Variants in MSMO1 observed in about 807,000 individuals in gnomAD.
MSMO1 encodes methylsterol monooxygenase 1.
In MSMO1, 18 loss-of-function variants were observed where a neutral mutation model predicts 30.4. The ratio of observed to expected loss-of-function variants is 0.59; its 90% CI spans 0.41 to 0.88. The LOEUF is 0.88. MSMO1 is among the 40% of genes least tolerant of loss of function. MSMO1 has a pLI of 0.00. For missense variants in MSMO1, 284 were observed against 340.5 expected (o/e 0.83, Z 1.31); for synonymous variants, 84 against 107.9 (o/e 0.78, Z 1.37).
intron 1 of MSMO1, among the ~76,000 whole-genome samples, chr4:165,328,632 A>G (rs1477008554): frequency 6.6e-6 from 1 of 152,108 alleles, no homozygotes; most frequent in Non-Finnish European, 1.5e-5. Flanking sequence ...AAATTTATCT[A>G]GTCAACCTGT....
chr4:165,329,438 CAG>C (rs915678369), intron 1 of MSMO1, among the ~76,000 whole-genome samples: 2 of 151,764 alleles, frequency 1.3e-5, no homozygotes, highest in Admixed American at 6.6e-5. Context: ...TTTATGAACT[CAG>C]GGGTAAGGGC....
chr4:165,340,261 A>G lies in MSMO1; in HGVS notation c.572A>G (p.Glu191Gly). The G allele has an allele frequency of 6.2e-7, 1 of 1,613,944 alleles. No individual in the cohort carries two copies. Among genetic ancestry groups the G allele is most frequent in the Non-Finnish European group, 8.5e-7 (1 of 1,179,952 alleles). The change falls in exon 5 of 6, where the codon GAG becomes GGG. Residue 191 changes from glutamate to glycine, a missense_variant. Coordinates refer to ENST00000261507, the MANE Select transcript of MSMO1 (RefSeq NM_006745.5). ...GAAGCTGAATATGCACATCCTTTGG[A>G]GACTCTAATTCTTGGAACTGGATTT... ...GMEAEYAHPL[E>G]TLILGTGFFI...
chr4:165,340,011 T>C (rs1195876121), intron 4 of MSMO1, among the ~76,000 whole-genome samples: 3 of 152,210 alleles, frequency 2.0e-5, no homozygotes, highest in African/African-American at 7.2e-5. Flanking sequence ...CTTCAAATGA[T>C]TGGATGAAGC....
At chr4:165,329,522 C>T (rs547711403) in intron 1 of MSMO1, among the ~76,000 whole-genome samples, 6 of 139,502 alleles carry the variant, frequency 4.3e-5, no homozygotes, top group East Asian at 2.1e-4. Context: ...CAAGGAAAGG[C>T]GGTATTTCAA....
At chr4:165,338,799 ATTCT>A in intron 4 of MSMO1, 21 bp downstream of exon 4, 1 of 1,563,816 alleles carries the variant, frequency 6.4e-7, no homozygotes, top group Non-Finnish European at 8.8e-7. Context: ...GTTATATTTA[ATTCT>A]TTCTGTTAGA....
intron 2 of MSMO1, 132 bp downstream of exon 2, chr4:165,333,757 A>T: frequency 1.9e-6 from 2 of 1,029,580 alleles, no homozygotes; most frequent in Non-Finnish European, 2.7e-6. Context: ...ATGTAATTTT[A>T]AATTTTCTAG....
At chr4:165,332,903 A>G (rs574787006) in intron 1 of MSMO1, among the ~76,000 whole-genome samples, 32 of 152,190 alleles carry the variant, frequency 2.1e-4, no homozygotes, top group African/African-American at 6.7e-4. Flanking sequence ...TTGTCTTTCT[A>G]TTCCCCAGTA....
In MSMO1 at chr4:165,342,607, T is replaced by G; in HGVS notation, c.*661T>G. On this transcript the variant is annotated 3_prime_UTR_variant, in exon 6 of 6. Coordinates refer to ENST00000261507, the MANE Select transcript of MSMO1 (RefSeq NM_006745.5). ...TCTGACCTCAAGTGATCTGCCCACC[T>G]TGGCCTCCCAAAGTGCTGGGATTAC... 6.6e-6 allele frequency: 1 copy of G among 152,328 alleles called. No homozygotes were observed. The allele number at this position is 152,328 out of a possible 1,614,324, so 9.4% of individuals were successfully genotyped here.
chr4:165,331,857 A>G (rs866778345), intron 1 of MSMO1, among the ~76,000 whole-genome samples: 2 of 152,186 alleles, frequency 1.3e-5, no homozygotes, highest in Non-Finnish European at 1.5e-5. Flanking sequence ...GCTCATTTAA[A>G]AAGTTTAAAT....
chr4:165,332,665 C>T (rs1429458518), intron 1 of MSMO1, among the ~76,000 whole-genome samples: 1 of 152,202 alleles, frequency 6.6e-6, no homozygotes, highest in East Asian at 1.9e-4. Context: ...AGATTTGCTA[C>T]TCAGGCTAAA....
chr4:165,336,577 C>T (rs1043524309), intron 2 of MSMO1, among the ~76,000 whole-genome samples: 66 of 152,296 alleles, frequency 4.3e-4, no homozygotes, highest in African/African-American at 1.5e-3. Context: ...GGAGACAGTA[C>T]TATTGCCAAC....
Position 165,329,762 on chromosome 4 carries a change from G to A in MSMO1, c.-32+1998G>A, listed in dbSNP as rs143927901. On this transcript the variant is annotated intron_variant, in intron 1 of 5. Transcript: ENST00000261507. ...CAATTCTCCTGCCTCAGCCTCCCCA[G>A]TAGGTGGAATTACAGGCATACGCCA... Among the ~76,000 whole-genome samples, 344 of 149,804 alleles carry A rather than the reference G, an allele frequency of 2.3e-3. 5 individuals are homozygous for A. Among genetic ancestry groups the A allele is most frequent in the African/African-American group, 7.9e-3 (321 of 40,620 alleles).
chr4:165,335,551 T>C (rs939369490), intron 2 of MSMO1, among the ~76,000 whole-genome samples: 1 of 152,194 alleles, frequency 6.6e-6, no homozygotes, highest in Non-Finnish European at 1.5e-5. Flanking sequence ...GTGATTTATT[T>C]ATAGGGCTTA....
chr4:165,341,003 A>T (rs1217408309), intron 5 of MSMO1, among the ~76,000 whole-genome samples: 2 of 152,058 alleles, frequency 1.3e-5, no homozygotes, highest in Non-Finnish European at 2.9e-5. Context: ...GGCAGAGAAT[A>T]TTCTTCTGTA....
At chr4:165,337,314 A>C (rs1747581570) in intron 2 of MSMO1, among the ~76,000 whole-genome samples, 1 of 152,176 alleles carries the variant, frequency 6.6e-6, no homozygotes, top group African/African-American at 2.4e-5. Context: ...AGAGTTTATA[A>C]TTCTGTCATT....
Position 165,342,024 on chromosome 4 carries a change from G to T in MSMO1, c.*78G>T. 1 of 1,165,768 alleles carries T rather than the reference G, an allele frequency of 8.6e-7. No individual in the cohort carries two copies. The highest frequency in any genetic ancestry group is 1.3e-6 in the Non-Finnish European group (1 of 790,364). 72.2% of individuals were successfully genotyped at this position (1,165,768 alleles called of 1,614,324 possible). On this transcript the variant is annotated 3_prime_UTR_variant, in exon 6 of 6. Transcript: ENST00000261507. ...TAGTAGCTAACATTGCTTCTGGAGA[G>T]CAGAAATAAGCATGTCTTCTGGCTA...
intron 4 of MSMO1, among the ~76,000 whole-genome samples, chr4:165,339,422 G>A (rs765774974): frequency 6.6e-6 from 1 of 152,066 alleles, no homozygotes; most frequent in Non-Finnish European, 1.5e-5. Flanking sequence ...TTGCTTTGAT[G>A]TAGCTTTGTC....
chr4:165,331,293 G>C (rs1229511104), intron 1 of MSMO1, among the ~76,000 whole-genome samples: 1 of 150,330 alleles, frequency 6.7e-6, no homozygotes, highest in Non-Finnish European at 1.5e-5. Flanking sequence ...GACAGAGTGA[G>C]ACCCTGTCTC....
Position 165,337,898 on chromosome 4 carries a change from A to C in MSMO1, c.365A>C (p.Tyr122Ser). 1.2e-6 allele frequency: 2 copies of C among 1,613,550 alleles called. No homozygotes were observed. Among genetic ancestry groups the C allele is most frequent in the Non-Finnish European group, 1.7e-6 (2 of 1,179,720 alleles). The change falls in exon 3 of 6, where the codon TAT (tyrosine) becomes TCT (serine). Residue 122 changes from tyrosine to serine, a missense_variant. Tyr to Ser is a moderately radical substitution (Grantham distance 144, BLOSUM62 -2). Transcript: ENST00000261507. ...TGTGGAACCTATTATTTTACAGAGT[A>C]TTTCAATATTCCTTATGATTGGGAA... ...LICGTYYFTE[Y>S]FNIPYDWERM...
Sources: allele counts gnomAD v4.1 joint callset (sites outside exome capture counted in the v4.1 genomes callset), GRCh38; gene constraint gnomAD v4.1.1; transcripts MANE v1.5; gene names NCBI Gene and HGNC (gene_info 2026-07-23, HGNC 2026-07-21).